Variants in AKR1B15 observed in about 807,000 individuals in gnomAD.
AKR1B15 encodes aldo-keto reductase family 1 member B15.
In AKR1B15, 49 loss-of-function variants were observed where a neutral mutation model predicts 38.5. That is an observed-to-expected ratio of 1.27 (90% CI 1.01 to 1.62). The LOEUF is 1.62. Among genes scored for constraint, AKR1B15 ranks in the 40% most tolerant of loss-of-function variants. The pLI is 0.00. For missense variants in AKR1B15, 411 were observed against 381.6 expected (o/e 1.08, Z -0.64); for synonymous variants, 137 against 135.5 (o/e 1.01, Z -0.08).
At chr7:134,570,164 T>C (rs556141402) in intron 5 of AKR1B15, 2 of 152,454 alleles carry the variant, frequency 1.3e-5, no homozygotes, top group South Asian at 2.1e-4. Context: ...AGATAAGGGA[T>C]GAAATAAGCC....
At chr7:134,565,277 C>G (rs1471096919) in intron 3 of AKR1B15, 1 of 792,608 alleles carries the variant, frequency 1.3e-6, no homozygotes, top group Non-Finnish European at 1.9e-6. Flanking sequence ...CACCACAAAC[C>G]CACCAGAAGG....
At chr7:134,568,557 TC>T (rs1794595842) in intron 4 of AKR1B15, among the ~76,000 whole-genome samples, 1 of 152,314 alleles carries the variant, frequency 6.6e-6, no homozygotes, top group East Asian at 1.9e-4. Flanking sequence ...TGGGCTTGGC[TC>T]CCTCTGGGCC....
chr7:134,568,605 A>T (rs755969524), intron 4 of AKR1B15, among the ~76,000 whole-genome samples: 1 of 152,168 alleles, frequency 6.6e-6, no homozygotes, highest in African/African-American at 2.4e-5. Context: ...CCATCTGCCC[A>T]GAGGCAGTCA....
At chr7:134,569,274 A>C in intron 4 of AKR1B15, 139 bp from the exon 5 acceptor site, 25 of 950,392 alleles carry the variant, frequency 2.6e-5, no homozygotes, top group Non-Finnish European at 3.5e-5. Flanking sequence ...TCCACACTGC[A>C]TCGTGGATCT....
chr7:134,549,951 C>T lies in AKR1B15; in HGVS notation c.-147+702C>T, dbSNP rs1017655728. ...GGCTGGCCATCCCAGTCCTGCCTTT[C>T]CTGTCAGAAACAAATTAGGTGTTGT... On this transcript the variant is annotated intron_variant, in intron 1 of 11. Transcript: ENST00000457545. Among the ~76,000 whole-genome samples the T allele has an allele frequency of 3.9e-5, 6 of 152,220 alleles. No individual in the cohort carries two copies. The South Asian group carries it at 1.0e-3, about 26-fold the overall frequency.
intron 5 of AKR1B15, 122 bp from the exon 6 acceptor site, chr7:134,571,482 A>T: frequency 1.3e-6 from 1 of 757,592 alleles, no homozygotes; most frequent in Admixed American, 2.2e-5. Context: ...TATGTACTCC[A>T]GAGCTTGAAA....
rs767097403 is a variant in AKR1B15, at chr7:134,569,481, G to A, written c.387G>A (p.Lys129=). 2.1e-5 allele frequency: 34 copies of A among 1,614,098 alleles called. No homozygotes were observed. The highest frequency in any genetic ancestry group is 3.3e-4 in the Middle Eastern group (2 of 6,058). Residue 129 remains lysine, a synonymous_variant, in exon 5 of 12, where the codon AAG becomes AAA. Coordinates refer to ENST00000457545, the MANE Select transcript of AKR1B15 (RefSeq NM_001080538.3). ...KAFEKTLKDL[K]LSYLDVYLIH... The stretch of plus-strand genomic sequence containing the variant: ...TTGAGAAGACCCTCAAGGACCTGAA[G>A]CTGAGCTATCTGGACGTCTATCTTA...
In AKR1B15 at chr7:134,569,526, C is replaced by G. The variant is rs1794621022; in HGVS notation, c.432C>G (p.Phe144Leu). 6.2e-7 allele frequency: 1 copy of G among 1,613,886 alleles called. No homozygotes were observed. Among genetic ancestry groups the G allele is most frequent in the South Asian group, 1.1e-5 (1 of 91,064 alleles). The change falls in exon 5 of 12, where the codon TTC (phenylalanine) becomes TTG (leucine). Residue 144 changes from phenylalanine to leucine, a missense_variant. Physicochemically the swap from Phe to Leu is conservative, Grantham distance 22. This residue lies in a region of AKR1B15 where 254 missense variants were observed against 212.4 expected (regional missense o/e 1.20). Coordinates refer to ENST00000457545, the MANE Select transcript of AKR1B15 (RefSeq NM_001080538.3). ...DVYLIHWPQG[F>L]KTGDDFFPKD... ...ATCTTATTCACTGGCCACAGGGATT[C>G]AAGGTTTGAGTGACTCCCTTTCTCA...
At chr7:134,572,630 AG>A (rs1226890443) in intron 6 of AKR1B15, among the ~76,000 whole-genome samples, 2 of 147,502 alleles carry the variant, frequency 1.4e-5, no homozygotes, top group Non-Finnish European at 1.5e-5. Flanking sequence ...ACCATCTTGA[AG>A]AAAAAAAAAA....
chr7:134,568,265 C>T lies in AKR1B15; in HGVS notation c.258C>T (p.Ala86=), dbSNP rs1562949374. Reference sequence around the variant, plus strand: ...AGAATCAACATGAGGTGGGAGAAGCCATCCAAGAGAAGATCCAAGAGAAGG... The same window carrying T: ...AGAATCAACATGAGGTGGGAGAAGCTATCCAAGAGAAGATCCAAGAGAAGG... ...FYENQHEVGE[A]IQEKIQEKAV... is the part of the protein sequence containing the mutation. The change falls in exon 4 of 12, where the codon GCC becomes GCT. Residue 86 remains alanine (A), a synonymous_variant. Transcript: ENST00000457545. 1.2e-6 allele frequency: 2 copies of T among 1,614,092 alleles called. No individual in the cohort carries two copies. Among genetic ancestry groups the T allele is most frequent in the Non-Finnish European group, 1.7e-6 (2 of 1,179,992 alleles).
In AKR1B15 at chr7:134,579,531, C is replaced by G; in HGVS notation, c.1017C>G (p.Pro339=). Residue 339 remains proline, a synonymous_variant, in exon 12 of 12, where the codon CCC becomes CCG. Transcript: ENST00000457545. ...GATTCTCTCATTTGGAGGACTTTCC[C>G]TTCGATGCAGAATATTGAGGTTGAA... ...FKEFSHLEDF[P]FDAEY 6.2e-7 allele frequency: 1 copy of G among 1,600,942 alleles called. No individual in the cohort carries two copies.
In AKR1B15 at chr7:134,559,855, A is replaced by G. The variant is rs141400234; in HGVS notation, c.-23+2996A>G. On this transcript the variant is annotated intron_variant, in intron 2 of 11. Transcript: ENST00000457545. ...CCAGGTGCAGTGGCTCACGCCTGTAATCCCAGCACTTTGGGAGGCCAAGGC... is the reference window on the plus strand; with the variant it reads ...CCAGGTGCAGTGGCTCACGCCTGTAGTCCCAGCACTTTGGGAGGCCAAGGC... Among the ~76,000 whole-genome samples the G allele has an allele frequency of 7.9e-3, 1,209 of 152,298 alleles. 15 individuals carry two copies. The highest frequency in any genetic ancestry group is 0.028 in the African/African-American group (1,147 of 41,568).
rs1001894029 is a variant in AKR1B15, at chr7:134,575,910, C to A, written c.726C>A (p.Gly242=). ...CCGTTACGGCCTACAGCCCCCTGGG[C>A]TCTCCGGATAGACCTTGGTGAGGCT... The part of the protein sequence containing the change: ...GITVTAYSPL[G]SPDRPWAKPE... The change falls in exon 8 of 12, where the codon GGC becomes GGA. Residue 242 remains glycine (G), a synonymous_variant. Transcript: ENST00000457545. 6.2e-7 allele frequency: 1 copy of A among 1,613,570 alleles called. No homozygotes were observed. The highest frequency in any genetic ancestry group is 1.3e-5 in the African/African-American group (1 of 74,912).
intron 6 of AKR1B15, among the ~76,000 whole-genome samples, chr7:134,575,164 C>T (rs953130401): frequency 6.6e-5 from 10 of 151,958 alleles, no homozygotes; most frequent in African/African-American, 1.4e-4. Flanking sequence ...TGTTTCTTTA[C>T]GTGTAAGGTG....
intron 6 of AKR1B15, among the ~76,000 whole-genome samples, chr7:134,572,842 T>C (rs1292737434): frequency 1.3e-5 from 2 of 152,220 alleles, no homozygotes; most frequent in African/African-American, 4.8e-5. Context: ...CAGTGGCATA[T>C]AACTCCAAGA....
At chr7:134,561,336 C>T (rs148423907) in intron 2 of AKR1B15, among the ~76,000 whole-genome samples, 9 of 152,252 alleles carry the variant, frequency 5.9e-5, no homozygotes, top group African/African-American at 1.2e-4. Flanking sequence ...GCCTCCCAAG[C>T]AGCTGGGACT....
chr7:134,561,585 A>G (rs2117636616), intron 2 of AKR1B15, among the ~76,000 whole-genome samples: 1 of 152,356 alleles, frequency 6.6e-6, no homozygotes, highest in South Asian at 2.1e-4. Context: ...TCATAGGTGC[A>G]AAATATCATG....
intron 1 of AKR1B15, among the ~76,000 whole-genome samples, chr7:134,555,046 A>C (rs1794143798): frequency 6.6e-6 from 1 of 152,230 alleles, no homozygotes; most frequent in Admixed American, 6.5e-5. Context: ...TTAGAGTAAG[A>C]TGCACCCCTT....
intron 4 of AKR1B15, 110 bp downstream of exon 4, chr7:134,568,435 A>G (rs1794592150): frequency 4.1e-6 from 6 of 1,455,008 alleles, no homozygotes; most frequent in Non-Finnish European, 5.6e-6. Flanking sequence ...ACCCGTTTTC[A>G]TCTCTGCCTT....
Sources: gnomAD v4.1 joint callset for allele counts (sites outside exome capture counted in the v4.1 genomes callset) on GRCh38, gnomAD v4.1.1 for gene constraint, gnomAD v4.1.1 regional missense constraint, MANE v1.5 for transcripts, NCBI Gene and HGNC (gene_info 2026-07-23, HGNC 2026-07-21) for gene names.